HIVEP3: variants seen among roughly 807,000 people sequenced by gnomAD.
HIVEP3 encodes the protein transcription factor HIVEP3.
A neutral mutation model predicts 152.8 loss-of-function variants in HIVEP3; 49 were observed. That is an observed-to-expected ratio of 0.32 (90% CI 0.26 to 0.41). HIVEP3 has a LOEUF of 0.41. Among genes scored for constraint, HIVEP3 ranks in the 10% least tolerant of loss-of-function variants. HIVEP3 has a pLI of 1.00. For synonymous variants in HIVEP3, 1,269 were observed against 1,289.0 expected (o/e 0.98, Z 0.33); for missense variants, 2,790 against 3,103.3 (o/e 0.90, Z 2.40).
At chr1:42,005,336 C>T (rs114150213) in intron 1 of HIVEP3, among the ~76,000 whole-genome samples, 2,599 of 152,128 alleles carry the variant, frequency 0.017, 30 homozygotes, top group South Asian at 0.028. Flanking sequence ...GACACACGCA[C>T]GCACACATAC....
Position 41,508,830 on chromosome 1 carries a change from T to A in HIVEP3, c.*1621A>T, listed in dbSNP as rs1047804741. 1.3e-5 allele frequency: 2 copies of A among 152,216 alleles called. No homozygotes were observed. Among genetic ancestry groups the A allele is most frequent in the African/African-American group, 4.8e-5 (2 of 41,402 alleles). 9.4% of individuals were successfully genotyped at this position (152,216 alleles called of 1,614,324 possible). A position where few individuals can be genotyped will look rare whatever the true frequency, so the allele number is the denominator to read the frequency against. ...GAGGACTGGGGATTAGCCAGAGAGG[T>A]CCCTGCTCTGTATAGGGTGGCATCA... On this transcript the variant is annotated 3_prime_UTR_variant, in exon 9 of 9. Coordinates refer to ENST00000372583, the MANE Select transcript of HIVEP3 (RefSeq NM_024503.5).
intron 1 of HIVEP3, among the ~76,000 whole-genome samples, chr1:42,031,049 T>C (rs979662356): frequency 6.6e-5 from 10 of 152,236 alleles, no homozygotes; most frequent in Non-Finnish European, 1.2e-4. Flanking sequence ...AGAGGGTTCA[T>C]GCGCCCTCAA....
At chr1:41,853,572 T>A (rs1278163035) in intron 1 of HIVEP3, among the ~76,000 whole-genome samples, 1 of 152,112 alleles carries the variant, frequency 6.6e-6, no homozygotes. Context: ...ATGTGGGGAT[T>A]ATGGGGATTA....
In HIVEP3 at chr1:41,506,610, TTC is replaced by T. The variant is rs1644385804; in HGVS notation, c.*3839_*3840del. On this transcript the variant is annotated 3_prime_UTR_variant, in exon 9 of 9. Transcript: ENST00000372583. ...ATTTTTGTTTTTTTTTTTTGTTTGT[TTC>T]TGTTTTGTTTTTTCTTTTGCACTGA... 1 of 149,890 alleles carries T rather than the reference TTC, an allele frequency of 6.7e-6. No homozygotes were observed. Among genetic ancestry groups the T allele is most frequent in the East Asian group, 2.0e-4 (1 of 5,084 alleles). The allele number at this position is 149,890 out of a possible 1,614,324, so 9.3% of individuals were successfully genotyped here.
chr1:41,711,934 T>C (rs1458943606), intron 1 of HIVEP3, among the ~76,000 whole-genome samples: 4 of 152,084 alleles, frequency 2.6e-5, no homozygotes, highest in Non-Finnish European at 4.4e-5. Flanking sequence ...AGGACATGCA[T>C]TGGGGTGGCA....
At chr1:41,520,379 C>G (rs1250369837) in intron 6 of HIVEP3, among the ~76,000 whole-genome samples, 1 of 152,300 alleles carries the variant, frequency 6.6e-6, no homozygotes, top group East Asian at 1.9e-4. Flanking sequence ...TGTCCTACTC[C>G]TGGCCATAGT....
chr1:41,986,116 T>G (rs1387229003), intron 1 of HIVEP3, among the ~76,000 whole-genome samples: 1 of 152,178 alleles, frequency 6.6e-6, no homozygotes, highest in African/African-American at 2.4e-5. Context: ...CTTAGTTTCC[T>G]CATCTTTAAA....
intron 5 of HIVEP3, among the ~76,000 whole-genome samples, chr1:41,534,418 AC>A (rs980499980): frequency 1.4e-5 from 2 of 146,918 alleles, no homozygotes; most frequent in African/African-American, 5.1e-5. Flanking sequence ...CCCCAGCACC[AC>A]CCCCTCTCCT....
At chr1:41,744,200 G>A (rs921665148) in intron 1 of HIVEP3, among the ~76,000 whole-genome samples, 5 of 152,048 alleles carry the variant, frequency 3.3e-5, no homozygotes, top group African/African-American at 7.2e-5. Flanking sequence ...CACCACGCCC[G>A]GCTAATTTTT....
chr1:41,648,764 G>T (rs748168000), intron 2 of HIVEP3, among the ~76,000 whole-genome samples: 1 of 152,242 alleles, frequency 6.6e-6, no homozygotes, highest in Non-Finnish European at 1.5e-5. Context: ...GGAAGTGGAA[G>T]TGACTTGCCC....
At chr1:41,529,545 T>C (rs1569770714) in intron 5 of HIVEP3, among the ~76,000 whole-genome samples, 1 of 50,078 alleles carries the variant, frequency 2.0e-5, no homozygotes, top group Non-Finnish European at 3.9e-5. Context: ...CACACCCGAC[T>C]CTCCTCCCCC....
At chr1:41,629,332 T>C (rs1216660140) in intron 2 of HIVEP3, among the ~76,000 whole-genome samples, 1 of 152,178 alleles carries the variant, frequency 6.6e-6, no homozygotes, top group Non-Finnish European at 1.5e-5. Flanking sequence ...AAACAGAATT[T>C]GCAGGAAATG....
intron 5 of HIVEP3, among the ~76,000 whole-genome samples, chr1:41,537,665 C>T (rs911941748): frequency 6.6e-6 from 1 of 152,264 alleles, no homozygotes; most frequent in African/African-American, 2.4e-5. Flanking sequence ...GTAGTAGACA[C>T]ATCCCCTGGT....
At chr1:41,822,768 C>A (rs879314042) in intron 1 of HIVEP3, among the ~76,000 whole-genome samples, 37 of 152,346 alleles carry the variant, frequency 2.4e-4, no homozygotes, top group Admixed American at 2.4e-3. Context: ...TCCATCAACT[C>A]CAAGCGTCTT....
chr1:41,690,777 G>T (rs761716798), intron 2 of HIVEP3, among the ~76,000 whole-genome samples: 23 of 152,156 alleles, frequency 1.5e-4, no homozygotes, highest in Non-Finnish European at 2.5e-4. Flanking sequence ...AATTAGCCAG[G>T]CATGGTGGTG....
rs140384300 is a variant in HIVEP3, at chr1:41,712,515, C to T, written c.-800-11520G>A. 3.3e-3 allele frequency among the ~76,000 whole-genome samples: 501 copies of T among 152,350 alleles called. 3 individuals are homozygous for T. The highest frequency in any genetic ancestry group is 0.011 in the African/African-American group (471 of 41,578). On this transcript the variant is annotated intron_variant, in intron 1 of 8. Coordinates refer to ENST00000372583, the MANE Select transcript of HIVEP3 (RefSeq NM_024503.5). ...AAGCAGGGTAAGGGGACACTGGGCA[C>T]CTGTGGCTGGCCGATGGTTTAGGCA...
At chr1:41,725,400 A>G (rs1203537945) in intron 1 of HIVEP3, among the ~76,000 whole-genome samples, 1 of 152,142 alleles carries the variant, frequency 6.6e-6, no homozygotes, top group African/African-American at 2.4e-5. Context: ...CTTTTTCCTG[A>G]ATTATGTTAG....
At chr1:41,900,811 G>A (rs1183350062) in intron 1 of HIVEP3, among the ~76,000 whole-genome samples, 1 of 152,224 alleles carries the variant, frequency 6.6e-6, no homozygotes, top group East Asian at 1.9e-4. Context: ...GGCTGAAGGA[G>A]AGGGAGAAAG....
intron 5 of HIVEP3, 73 bp downstream of exon 5, chr1:41,575,471 T>A: frequency 6.5e-7 from 1 of 1,538,354 alleles, no homozygotes; most frequent in Middle Eastern, 1.7e-4. Context: ...GAGCCACTGC[T>A]GCCCGTGAAC....
Sources: gnomAD v4.1 joint callset for allele counts (sites outside exome capture counted in the v4.1 genomes callset) on GRCh38, gnomAD v4.1.1 for gene constraint, MANE v1.5 for transcripts, NCBI Gene and HGNC (gene_info 2026-07-23, HGNC 2026-07-21) for gene names.